SPTLC2: variants seen among roughly 807,000 people sequenced by gnomAD.
SPTLC2 encodes serine palmitoyltransferase long chain base subunit 2, also known as serine palmitoyltransferase 2.
In SPTLC2, 21 loss-of-function variants were observed where a neutral mutation model predicts 62.0. The ratio of observed to expected loss-of-function variants is 0.34; its 90% CI spans 0.24 to 0.49. SPTLC2 has a LOEUF of 0.49. Ranked by LOEUF, SPTLC2 falls within the 20% of genes least tolerant of loss-of-function variation. The pLI, the probability that SPTLC2 is intolerant of heterozygous loss-of-function variation, is 0.99. For missense variants in SPTLC2, 511 were observed against 713.0 expected, an observed-to-expected ratio of 0.72 and a Z score of 3.23; for synonymous variants, 261 against 261.8, an observed-to-expected ratio of 1.00 and a Z score of 0.03.
rs569737408 is a variant in SPTLC2, at chr14:77,600,594, T to C, written c.133-3214A>G. ...GCACGTCTAGCACCCAGGGTAGTATTTATGAAGTCTTAATAAATAGTTAAC... is the reference window on the plus strand; with the variant it reads ...GCACGTCTAGCACCCAGGGTAGTATCTATGAAGTCTTAATAAATAGTTAAC... On this transcript the variant is annotated intron_variant, in intron 1 of 11. Coordinates refer to ENST00000216484, the MANE Select transcript of SPTLC2 (RefSeq NM_004863.4). 1.1e-4 allele frequency among the ~76,000 whole-genome samples: 16 copies of C among 152,344 alleles called. No homozygotes were observed. The East Asian group carries it at 3.1e-3, about 29-fold the overall frequency.
chr14:77,592,155 T>C (rs2079821602), intron 2 of SPTLC2, among the ~76,000 whole-genome samples: 1 of 150,508 alleles, frequency 6.6e-6, no homozygotes, highest in Non-Finnish European at 1.5e-5. Flanking sequence ...TTTTTTTTTA[T>C]TTTGAGACAG....
chr14:77,561,622 A>AG (rs1449382098), intron 6 of SPTLC2, among the ~76,000 whole-genome samples: 1 of 152,132 alleles, frequency 6.6e-6, no homozygotes, highest in East Asian at 1.9e-4. Flanking sequence ...AAAAAAAAAA[A>AG]AAAGAAAATA....
intron 1 of SPTLC2, among the ~76,000 whole-genome samples, chr14:77,599,292 A>G (rs1188499949): frequency 2.0e-5 from 3 of 152,248 alleles, no homozygotes; most frequent in East Asian, 3.8e-4. Context: ...CATATCGTCA[A>G]TTAAGCATTA....
chr14:77,528,553 A>G (rs2079420454), intron 9 of SPTLC2, among the ~76,000 whole-genome samples: 1 of 152,040 alleles, frequency 6.6e-6, no homozygotes, highest in African/African-American at 2.4e-5. Context: ...CTTAAAGGTT[A>G]TATTCTCAAA....
intron 5 of SPTLC2, among the ~76,000 whole-genome samples, chr14:77,563,488 G>A (rs990798364): frequency 6.6e-6 from 1 of 152,130 alleles, no homozygotes; most frequent in South Asian, 2.1e-4. Context: ...GCAGTGGTGC[G>A]ATCTTGGTTC....
At chr14:77,535,947 A>G (rs1221531776) in intron 9 of SPTLC2, 1 of 455,602 alleles carries the variant, frequency 2.2e-6, no homozygotes, top group East Asian at 7.0e-5. Flanking sequence ...GGGATAAAGG[A>G]GAGAAACGAT....
chr14:77,553,206 C>T (rs1358661679), intron 8 of SPTLC2, among the ~76,000 whole-genome samples: 2 of 152,056 alleles, frequency 1.3e-5, no homozygotes, highest in African/African-American at 4.8e-5. Context: ...ACACAAGAAG[C>T]TTATGTACCA....
At chr14:77,557,269 G>T in intron 6 of SPTLC2, 123 bp from the exon 7 acceptor site, 1 of 880,122 alleles carries the variant, frequency 1.1e-6, no homozygotes, top group Non-Finnish European at 1.8e-6. Context: ...CATAATTAGA[G>T]TTGGGCAGAA....
chr14:77,560,333 A>C (rs374662812), intron 6 of SPTLC2, among the ~76,000 whole-genome samples: 5 of 152,086 alleles, frequency 3.3e-5, no homozygotes, highest in African/African-American at 1.2e-4. Flanking sequence ...TATGCCTATA[A>C]TCCCAGTACT....
chr14:77,522,148 C>A (rs961369165), intron 9 of SPTLC2, among the ~76,000 whole-genome samples: 3 of 152,044 alleles, frequency 2.0e-5, no homozygotes, highest in African/African-American at 7.2e-5. Flanking sequence ...TGTTTCCTTA[C>A]AATTCTTTTT....
chr14:77,506,143 C>T lies in SPTLC2; in HGVS notation c.*6141G>A, dbSNP rs1490290995. ...AACCCAATACTCATCGCTTCACAGT[C>T]ATCCAGTAAAGTACAAAATAAAAAT... On this transcript the variant is annotated 3_prime_UTR_variant, in exon 12 of 12. Coordinates refer to ENST00000216484, the MANE Select transcript of SPTLC2 (RefSeq NM_004863.4). 3 of 152,170 alleles carry T rather than the reference C, an allele frequency of 2.0e-5. No homozygotes were observed. The highest frequency in any genetic ancestry group is 2.1e-4 in the South Asian group (1 of 4,832). The allele number at this position is 152,170 out of a possible 1,614,324, so 9.4% of individuals were successfully genotyped here.
At chr14:77,564,314 AAGG>A (rs776569085) in intron 5 of SPTLC2, among the ~76,000 whole-genome samples, 15 of 148,810 alleles carry the variant, frequency 1.0e-4, no homozygotes, top group Non-Finnish European at 2.1e-4. Context: ...GAAGGAGGAG[AAGG>A]AGAAGAAGGA....
At chr14:77,604,362 T>A (rs1478147014) in intron 1 of SPTLC2, among the ~76,000 whole-genome samples, 1 of 152,142 alleles carries the variant, frequency 6.6e-6, no homozygotes. Context: ...TTCAATTTCA[T>A]CCCCCATCCC....
intron 9 of SPTLC2, among the ~76,000 whole-genome samples, chr14:77,540,051 C>T (rs1250613011): frequency 6.6e-6 from 1 of 151,856 alleles, no homozygotes; most frequent in African/African-American, 2.4e-5. Flanking sequence ...ACAAAATGAG[C>T]CAGGTGTGGT....
intron 10 of SPTLC2, among the ~76,000 whole-genome samples, chr14:77,518,828 T>A (rs1039153116): frequency 1.3e-5 from 2 of 152,166 alleles, no homozygotes; most frequent in Non-Finnish European, 2.9e-5. Context: ...TCTTTAATTG[T>A]CTTGGGAACA....
intron 2 of SPTLC2, among the ~76,000 whole-genome samples, chr14:77,595,761 CA>C (rs1307122998): frequency 6.6e-6 from 1 of 152,214 alleles, no homozygotes; most frequent in African/African-American, 2.4e-5. Flanking sequence ...TGGCTCGTCT[CA>C]GCGTTGACTT....
intron 2 of SPTLC2, among the ~76,000 whole-genome samples, chr14:77,588,134 T>C (rs564478174): frequency 6.6e-6 from 1 of 152,158 alleles, no homozygotes; most frequent in Admixed American, 6.5e-5. Flanking sequence ...AGACAAGATC[T>C]CTCTCTGTTG....
intron 1 of SPTLC2, among the ~76,000 whole-genome samples, chr14:77,603,549 T>G (rs1417747760): frequency 6.6e-6 from 1 of 152,236 alleles, no homozygotes; most frequent in Admixed American, 6.5e-5. Flanking sequence ...GTCTCCTTTT[T>G]TCAGCAGGGA....
At chr14:77,548,714 G>A (rs1019923869) in intron 9 of SPTLC2, among the ~76,000 whole-genome samples, 4 of 152,110 alleles carry the variant, frequency 2.6e-5, no homozygotes, top group African/African-American at 7.2e-5. Flanking sequence ...CTAGTCATAT[G>A]TCCTGTTCTT....
Sources: gnomAD v4.1 joint callset for allele counts (sites outside exome capture counted in the v4.1 genomes callset) on GRCh38, gnomAD v4.1.1 for gene constraint, MANE v1.5 for transcripts, NCBI Gene and HGNC (gene_info 2026-07-23, HGNC 2026-07-21) for gene names.